STAG2: variants seen among roughly 807,000 people sequenced by gnomAD.
The protein encoded by STAG2 is STAG2 cohesin complex component, also known as cohesin subunit SA-2.
In STAG2, 14 loss-of-function variants were observed where a neutral mutation model predicts 108.1. The observed-to-expected ratio is 0.13, with a 90% CI of 0.09 to 0.20. The LOEUF (loss-of-function observed/expected upper bound fraction) is 0.20, where lower values mean the gene tolerates loss of function less well. Ranked by LOEUF, STAG2 falls within the 10% of genes least tolerant of loss-of-function variation. The pLI is 1.00. For missense variants in STAG2, 440 were observed against 940.9 expected (o/e 0.47, Z 6.96); for synonymous variants, 307 against 302.7 (o/e 1.01, Z -0.15).
Position 124,028,794 on chromosome X carries a change from T to TTATATATA in STAG2, c.124-2145_124-2138dup, listed in dbSNP as rs56052834. On this transcript the variant is annotated intron_variant, in intron 4 of 34. Transcript: ENST00000371145. Reference sequence around the variant, plus strand: ...ACTGTCCAGGAGCTCTAAGAATAGTTTATATATATATATATATATATATAT... The same window carrying TTATATATA: ...ACTGTCCAGGAGCTCTAAGAATAGTTTATATATATATATATATATATATATATATATAT... Among the ~76,000 whole-genome samples the TTATATATA allele has an allele frequency of 5.1e-4, 38 of 75,030 alleles. 1 individual carries two copies. The highest frequency in any genetic ancestry group is 2.1e-3 in the African/African-American group (36 of 17,101). 65.2% of individuals were successfully genotyped at this position (75,030 alleles called of 115,157 possible).
intron 1 of STAG2, among the ~76,000 whole-genome samples, chrX:124,008,797 C>T (rs2056397162): frequency 9.0e-6 from 1 of 111,715 alleles, no homozygotes; most frequent in Admixed American, 9.5e-5. Context: ...GATGGAGATC[C>T]TTGCATATGA....
chrX:124,044,297 C>A (rs1412428567), intron 7 of STAG2, among the ~76,000 whole-genome samples: 4 of 111,439 alleles, frequency 3.6e-5, no homozygotes, highest in Non-Finnish European at 7.5e-5. Context: ...TCAATATAGT[C>A]ACTAAATTAG....
chrX:123,996,115 C>T (rs1289533581), intron 1 of STAG2, among the ~76,000 whole-genome samples: 1 of 112,089 alleles, frequency 8.9e-6, no homozygotes, highest in Non-Finnish European at 1.9e-5. Context: ...TTCGATATAA[C>T]CCCCGAACAT....
chrX:124,090,465 G>T (rs2059231502), intron 30 of STAG2, 110 bp from the exon 31 acceptor site: 1 of 657,693 alleles, frequency 1.5e-6, no homozygotes, highest in Admixed American at 2.8e-5. Flanking sequence ...CCCCGTTCCT[G>T]TGACTTGCAT....
At chrX:123,963,330 A>C (rs948080578) in intron 1 of STAG2, 2 of 111,548 alleles carry the variant, frequency 1.8e-5, no homozygotes, top group Non-Finnish European at 3.8e-5. Context: ...GTTTAAGGGT[A>C]TATCTGAACT....
chrX:123,994,226 T>A (rs971593177), intron 1 of STAG2, among the ~76,000 whole-genome samples: 12 of 111,437 alleles, frequency 1.1e-4, no homozygotes, highest in Non-Finnish European at 1.7e-4. Flanking sequence ...CCCACTCTCT[T>A]GGGAATGAAT....
At chrX:124,018,136 C>T (rs1475443850) in intron 1 of STAG2, among the ~76,000 whole-genome samples, 1 of 111,945 alleles carries the variant, frequency 8.9e-6, no homozygotes, top group Admixed American at 9.5e-5. Context: ...ATGCTTTATC[C>T]TCCAAAGCTG....
At chrX:124,030,326 T>G (rs931040490) in intron 4 of STAG2, among the ~76,000 whole-genome samples, 6 of 112,089 alleles carry the variant, frequency 5.4e-5, no homozygotes, top group Admixed American at 4.7e-4. Context: ...ACTTGAGAGA[T>G]ATTTTTGCAG....
intron 1 of STAG2, among the ~76,000 whole-genome samples, chrX:124,001,724 T>C (rs191517712): frequency 2.7e-5 from 3 of 112,103 alleles, no homozygotes; most frequent in African/African-American, 9.7e-5. Flanking sequence ...AGCTATGCCA[T>C]GTAACCTAGT....
chrX:124,083,837 A>G (rs2059025527), intron 29 of STAG2, among the ~76,000 whole-genome samples: 1 of 111,934 alleles, frequency 8.9e-6, no homozygotes, highest in African/African-American at 3.2e-5. Context: ...TGTTGCCCAG[A>G]CTGGCTTTGA....
chrX:123,972,781 G>A, intron 1 of STAG2, among the ~76,000 whole-genome samples: 1 of 99,945 alleles, frequency 1.0e-5, no homozygotes, highest in African/African-American at 3.7e-5. Context: ...CACTTTGGGA[G>A]GCTGAGGCTG....
At chrX:124,049,298 T>TG (rs1479153169) in intron 10 of STAG2, among the ~76,000 whole-genome samples, 1 of 111,633 alleles carries the variant, frequency 9.0e-6, no homozygotes. Flanking sequence ...GTGCTTGACT[T>TG]GCAGCCAGTA....
chrX:124,041,496 A>G (rs2057718069), intron 6 of STAG2, among the ~76,000 whole-genome samples: 1 of 111,392 alleles, frequency 9.0e-6, no homozygotes. Context: ...TATGTTAATT[A>G]TATCTAGTTC....
intron 27 of STAG2, among the ~76,000 whole-genome samples, chrX:124,079,049 A>G (rs1384178522): frequency 9.0e-6 from 1 of 111,258 alleles, no homozygotes; most frequent in Admixed American, 9.5e-5. Context: ...CTGACTTAGT[A>G]TACTTTTGTC....
intron 1 of STAG2, among the ~76,000 whole-genome samples, chrX:123,994,187 A>G (rs6649134): frequency 0.23 from 25,879 of 110,868 alleles, 2,240 homozygotes; most frequent in South Asian, 0.38. Flanking sequence ...GAGAGAACCC[A>G]AGGGATAGCT....
chrX:123,997,875 A>T (rs1191677275), intron 1 of STAG2, among the ~76,000 whole-genome samples: 1 of 112,069 alleles, frequency 8.9e-6, no homozygotes, highest in East Asian at 2.8e-4. Context: ...TCCTAATCTC[A>T]GGTGATCCGC....
At chrX:124,018,942 G>A (rs1439448763) in intron 1 of STAG2, among the ~76,000 whole-genome samples, 1 of 109,689 alleles carries the variant, frequency 9.1e-6, no homozygotes, top group Non-Finnish European at 1.9e-5. Context: ...AAATTACAAA[G>A]CAATTTTAAT....
At chrX:124,079,312 T>G (rs189829215) in intron 27 of STAG2, among the ~76,000 whole-genome samples, 133 of 110,156 alleles carry the variant, frequency 1.2e-3, no homozygotes, top group African/African-American at 4.2e-3. Context: ...CTAATTTTTT[T>G]GTATTTTTAG....
At chrX:123,990,036 AACGAAGAATTGG>A in intron 1 of STAG2, among the ~76,000 whole-genome samples, 1 of 111,933 alleles carries the variant, frequency 8.9e-6, no homozygotes, top group African/African-American at 3.3e-5. Context: ...TGGCATTTTG[AACGAAGAATTGG>A]ACAAAACACA....
Sources: allele counts gnomAD v4.1 joint callset (sites outside exome capture counted in the v4.1 genomes callset), GRCh38; gene constraint gnomAD v4.1.1; transcripts MANE v1.5; gene names NCBI Gene and HGNC (gene_info 2026-07-23, HGNC 2026-07-21).